The following CDH20 variants were observed in gnomAD, a reference collection of about 807,000 sequenced individuals.
CDH20 encodes cadherin 20.
A neutral mutation model predicts 74.2 loss-of-function variants in CDH20; 29 were observed. The ratio of observed to expected loss-of-function variants is 0.39; its 90% confidence interval spans 0.29 to 0.53. The LOEUF is 0.53. CDH20 is among the 20% of genes least tolerant of loss of function. The pLI, the probability that CDH20 is intolerant of heterozygous loss-of-function variation, is 0.69. For missense variants in CDH20, 988 were observed against 1,048.3 expected, an observed-to-expected ratio of 0.94 and a Z score of 0.79; for synonymous variants, 469 against 405.4, an observed-to-expected ratio of 1.16 and a Z score of -1.88.
intron 6 of CDH20, among the ~76,000 whole-genome samples, chr18:61,515,309 C>T (rs1911954948): frequency 6.6e-6 from 1 of 152,140 alleles, no homozygotes; most frequent in Non-Finnish European, 1.5e-5. Context: ...AAGGGAACTC[C>T]CTGACCCCTT....
At chr18:61,388,473 T>C (rs1911672214) in intron 1 of CDH20, among the ~76,000 whole-genome samples, 2 of 152,190 alleles carry the variant, frequency 1.3e-5, no homozygotes, top group African/African-American at 4.8e-5. Context: ...GCCTCATCTG[T>C]CTCAATCTGA....
At chr18:61,345,674 T>C (rs1402731422) in intron 1 of CDH20, among the ~76,000 whole-genome samples, 1 of 152,142 alleles carries the variant, frequency 6.6e-6, no homozygotes, top group Non-Finnish European at 1.5e-5. Context: ...GGAAAACCTA[T>C]ATAAAAGAAT....
rs536383425 is a variant in CDH20 at position 61,346,373 on chromosome 18, A to C, written c.-153+12546A>C. ...TGAGATGAAAGGAAACCTTTTATGC[A>C]TTTGATTCTGGGCAAAAGAAATATT... On this transcript the variant is annotated intron_variant, in intron 1 of 11. Coordinates refer to ENST00000262717, the MANE Select transcript of CDH20 (RefSeq NM_031891.4). Among the ~76,000 whole-genome samples, 9 of 152,350 alleles carry C rather than the reference A, an allele frequency of 5.9e-5. No individual in the cohort carries two copies. The South Asian group carries it at 1.7e-3, about 28-fold the overall frequency.
chr18:61,444,346 G>A (rs978937579), intron 1 of CDH20, among the ~76,000 whole-genome samples: 12 of 152,122 alleles, frequency 7.9e-5, no homozygotes, highest in Non-Finnish European at 1.6e-4. Context: ...TTTTAAAAAT[G>A]TTTCCAGATG....
At chr18:61,400,281 G>T (rs17068280) in intron 1 of CDH20, among the ~76,000 whole-genome samples, 4 of 152,104 alleles carry the variant, frequency 2.6e-5, no homozygotes, top group African/African-American at 9.7e-5. Context: ...TCTCCAGCCT[G>T]CTAATGAGCA....
chr18:61,397,036 G>A (rs1327111731), intron 1 of CDH20, among the ~76,000 whole-genome samples: 2 of 152,152 alleles, frequency 1.3e-5, no homozygotes, highest in Admixed American at 1.3e-4. Context: ...GAGTCTCTGT[G>A]AAACTATCCA....
intron 1 of CDH20, among the ~76,000 whole-genome samples, chr18:61,415,693 T>A (rs1209521849): frequency 6.6e-6 from 1 of 152,186 alleles, no homozygotes; most frequent in African/African-American, 2.4e-5. Flanking sequence ...CATTGATTCA[T>A]CTTAAATTTT....
At chr18:61,462,730 G>A (rs536038350) in intron 1 of CDH20, among the ~76,000 whole-genome samples, 1 of 145,126 alleles carries the variant, frequency 6.9e-6, no homozygotes, top group Admixed American at 6.8e-5. Context: ...AAAAAGGGGG[G>A]GGGGGCATCT....
intron 1 of CDH20, among the ~76,000 whole-genome samples, chr18:61,418,858 A>G (rs1053849928): frequency 2.0e-5 from 3 of 152,106 alleles, no homozygotes; most frequent in African/African-American, 7.2e-5. Flanking sequence ...CCAGATATTT[A>G]TCTCTTTATG....
chr18:61,439,619 T>C (rs1315459310), intron 1 of CDH20, among the ~76,000 whole-genome samples: 2 of 152,200 alleles, frequency 1.3e-5, no homozygotes, highest in Non-Finnish European at 2.9e-5. Context: ...CAATTCAGAC[T>C]AAAAATCATT....
intron 1 of CDH20, among the ~76,000 whole-genome samples, chr18:61,416,209 A>G (rs1912678966): frequency 6.6e-6 from 1 of 152,206 alleles, no homozygotes; most frequent in African/African-American, 2.4e-5. Context: ...AATAATAACT[A>G]TCAGTCCTTA....
chr18:61,502,876 G>A (rs1323788047), intron 4 of CDH20, 77 bp from the exon 5 acceptor site: 50 of 1,215,516 alleles, frequency 4.1e-5, no homozygotes, highest in Non-Finnish European at 5.5e-5. Context: ...GTGCACCAGG[G>A]AGACACCTAG....
At chr18:61,538,810 G>C (rs1912924026) in intron 8 of CDH20, among the ~76,000 whole-genome samples, 2 of 151,316 alleles carry the variant, frequency 1.3e-5, no homozygotes, top group Admixed American at 6.6e-5. Context: ...AGCAGAGATG[G>C]AGTTTCACTC....
At chr18:61,342,426 G>C (rs148131383) in intron 1 of CDH20, among the ~76,000 whole-genome samples, 2 of 152,252 alleles carry the variant, frequency 1.3e-5, no homozygotes, top group African/African-American at 4.8e-5. Context: ...TTCAAACACA[G>C]GACTCTCTGG....
At position 61,501,626 on chromosome 18, in the gene CDH20, T is replaced by G. The variant is rs1599130037; in HGVS notation, c.661+1124T>G. On this transcript the variant is annotated intron_variant, in intron 4 of 11. Coordinates refer to ENST00000262717, the MANE Select transcript of CDH20 (RefSeq NM_031891.4). ...TCTATTATTAGCAACCTGATCGAAT[T>G]TTTTTCCCAGAAGTCCTGAGGGAAA... Among the ~76,000 whole-genome samples, 7 of 152,272 alleles carry G rather than the reference T, an allele frequency of 4.6e-5. 1 individual carries two copies. Among genetic ancestry groups the G allele is most frequent in the Admixed American group, 4.6e-4 (7 of 15,288 alleles).
Position 61,550,036 on chromosome 18 carries a change from C to G in CDH20, c.1707C>G (p.Val569=). The G allele has an allele frequency of 1.2e-6, 2 of 1,614,202 alleles. No homozygotes were observed. The highest frequency in any genetic ancestry group is 1.7e-6 in the Non-Finnish European group (2 of 1,180,018). The change falls in exon 11 of 12, where the codon GTC becomes GTG. Residue 569 remains valine (V), a synonymous_variant. Transcript: ENST00000262717. ...GTTTCCGGCAGCAGGAGCAGAGTGT[C>G]TTTCACCTGCCTATCCTGATAGCAG... The part of the protein sequence containing the change: ...RSGFRQQEQS[V]FHLPILIADS...
At position 61,490,471 on chromosome 18, in the gene CDH20, C is replaced by T. The variant is rs564829777; in HGVS notation, c.-83C>T. ...GGAAGCATAAGTGTCCAATCAAAAA[C>T]TGTGTATTTTTTTAAATTTGGAAAA... On this transcript the variant is annotated 5_prime_UTR_variant, in exon 2 of 12. Coordinates refer to ENST00000262717, the MANE Select transcript of CDH20 (RefSeq NM_031891.4). 270 of 1,386,480 alleles carry T rather than the reference C, an allele frequency of 1.9e-4. 4 individuals are homozygous for T. The South Asian group carries it at 3.2e-3, about 16-fold the overall frequency. The allele number at this position is 1,386,480 out of a possible 1,614,324, so 85.9% of individuals were successfully genotyped here. A position where few individuals can be genotyped will look rare whatever the true frequency, so the allele number is the denominator to read the frequency against.
At position 61,554,703 on chromosome 18, in the gene CDH20, C is replaced by T. The variant is rs749735963; in HGVS notation, c.*8C>T. 4.5e-6 allele frequency: 7 copies of T among 1,548,388 alleles called. No homozygotes were observed. Among genetic ancestry groups the T allele is most frequent in the Non-Finnish European group, 5.2e-6 (6 of 1,147,272 alleles). ...CCCGCGCCGCTGTGGTGACGGAAGC[C>T]AGGAGGCAGGCGCGCGTCCAAATCC... On this transcript the variant is annotated 3_prime_UTR_variant, in exon 12 of 12. Transcript: ENST00000262717.
intron 1 of CDH20, among the ~76,000 whole-genome samples, chr18:61,354,937 C>T (rs1910447799): frequency 6.6e-6 from 1 of 152,166 alleles, no homozygotes; most frequent in African/African-American, 2.4e-5. Flanking sequence ...CAAATGGGTA[C>T]ACTTCTCAGA....
Sources: allele counts gnomAD v4.1 joint callset (sites outside exome capture counted in the v4.1 genomes callset), GRCh38; gene constraint gnomAD v4.1.1; transcripts MANE v1.5; gene names NCBI Gene and HGNC (gene_info 2026-07-23, HGNC 2026-07-21).